Variants in DNAH5 observed in about 807,000 individuals in gnomAD.
The protein encoded by DNAH5 is axonemal beta dynein heavy chain 5.
A neutral mutation model predicts 518.2 loss-of-function variants in DNAH5; 372 were observed. The ratio of observed to expected loss-of-function variants is 0.72; its 90% CI spans 0.66 to 0.78. The LOEUF is 0.78. Ranked by LOEUF, DNAH5 falls within the 30% of genes least tolerant of loss-of-function variation. The pLI, the probability that DNAH5 is intolerant of heterozygous loss-of-function variation, is 0.00. For missense variants in DNAH5, 5,523 were observed against 5,687.0 expected, an observed-to-expected ratio of 0.97 and a Z score of 0.93; for synonymous variants, 2,039 against 2,025.9, an observed-to-expected ratio of 1.01 and a Z score of -0.17.
At chr5:13,834,252 A>G (rs1482378807) in intron 35 of DNAH5, among the ~76,000 whole-genome samples, 1 of 152,192 alleles carries the variant, frequency 6.6e-6, no homozygotes, top group Non-Finnish European at 1.5e-5. Flanking sequence ...AAAATACAAG[A>G]CAATGAACAC....
chr5:13,736,566 T>C (rs1189268390), intron 66 of DNAH5, among the ~76,000 whole-genome samples: 1 of 151,920 alleles, frequency 6.6e-6, no homozygotes, highest in Non-Finnish European at 1.5e-5. Context: ...GGCTAATTTT[T>C]TTTTCTCTTA....
chr5:13,995,560 T>C (rs1469686644), intron 1 of DNAH5, among the ~76,000 whole-genome samples: 1 of 152,034 alleles, frequency 6.6e-6, no homozygotes, highest in African/African-American at 2.4e-5. Flanking sequence ...AAACTGAATA[T>C]TTACTTAGAA....
At chr5:13,872,417 T>C (rs1770257406) in intron 22 of DNAH5, among the ~76,000 whole-genome samples, 4 of 152,170 alleles carry the variant, frequency 2.6e-5, no homozygotes, top group Admixed American at 2.6e-4. Flanking sequence ...TGTTTCCATA[T>C]CTTGTCATCT....
In DNAH5 at chr5:13,956,849, A is replaced by G. The variant is rs1325924050; in HGVS notation, c.13-25605T>C. Among the ~76,000 whole-genome samples the G allele has an allele frequency of 5.9e-5, 9 of 152,374 alleles. No homozygotes were observed. The East Asian group carries it at 1.5e-3, about 26-fold the overall frequency. ...ATTATTCATAAAAGTGAATTTCAGT[A>G]TACTGAGCATCAACTTACCATGGCT... On this transcript the variant is annotated intron_variant, in intron 1 of 78. Coordinates refer to the DNAH5 transcript ENST00000681290.
chr5:13,928,109 C>G lies in DNAH5; in HGVS notation c.262G>C (p.Glu88Gln). ...ATTCAGATACCTGTTTCTGCTTCCT[C>G]CACATCTTGATAGTAAAACATGAGG... ...RHLMFYYQDV[E>Q]EAETGQLGSL... The change falls in exon 3 of 79, where the codon GAG (glutamate) becomes CAG (glutamine). Residue 88 changes from glutamate to glutamine, a missense_variant. Glu to Gln is a conservative substitution (Grantham distance 29, BLOSUM62 2). Transcript: ENST00000265104. The G allele has an allele frequency of 6.2e-7, 1 of 1,613,636 alleles. No homozygotes were observed. The highest frequency in any genetic ancestry group is 8.5e-7 in the Non-Finnish European group (1 of 1,179,594).
intron 1 of DNAH5, among the ~76,000 whole-genome samples, chr5:13,977,609 T>C (rs1782355243): frequency 6.6e-6 from 1 of 152,058 alleles, no homozygotes; most frequent in African/African-American, 2.4e-5. Flanking sequence ...TCCTCCCCCT[T>C]TCTTGCCTCA....
rs185605880 is a variant in DNAH5, at chr5:13,770,865, A to G, written c.9489T>C (p.Tyr3163=). Residue 3163 remains tyrosine (Y), a synonymous_variant, in exon 56 of 79, where the codon TAT becomes TAC. Coordinates refer to ENST00000265104, the MANE Select transcript of DNAH5 (RefSeq NM_001369.3). ...QDGVAEKCVD[Y]FQRFRRSTHV... ...GGGTAGAACGTCGGAATCTCTGAAA[A>G]TAATCAACACACTTCTCAGCCACCC... 1 of 1,614,078 alleles carries G rather than the reference A, an allele frequency of 6.2e-7. No homozygotes were observed. Among genetic ancestry groups the G allele is most frequent in the East Asian group, 2.2e-5 (1 of 44,874 alleles).
intron 1 of DNAH5, among the ~76,000 whole-genome samples, chr5:14,011,518 C>T (rs1235284454): frequency 1.3e-5 from 2 of 152,190 alleles, no homozygotes; most frequent in Non-Finnish European, 2.9e-5. Context: ...CCCCGGACCA[C>T]AAGCCGAGCC....
Position 13,755,112 on chromosome 5 carries a change from G to A in DNAH5, c.10420-774C>T, listed in dbSNP as rs967606774. On this transcript the variant is annotated intron_variant, in intron 61 of 78. Coordinates refer to ENST00000265104, the MANE Select transcript of DNAH5 (RefSeq NM_001369.3). The stretch of plus-strand genomic sequence containing the variant: ...AGCCAAGATCGTGCCACTCAAATCC[G>A]CTCAAAAAAACACAAAAAGCAAAAA... 4.6e-5 allele frequency among the ~76,000 whole-genome samples: 7 copies of A among 151,922 alleles called. 1 individual carries two copies. Among genetic ancestry groups the A allele is most frequent in the Middle Eastern group, 6.8e-3 (2 of 294 alleles).
chr5:13,729,380 G>A, intron 69 of DNAH5, 59 bp downstream of exon 69: 1 of 1,607,314 alleles, frequency 6.2e-7, no homozygotes, highest in Non-Finnish European at 8.5e-7. Context: ...TGTACCTAGT[G>A]ATAAATCAGA....
At chr5:13,786,114 G>T in intron 52 of DNAH5, 65 bp downstream of exon 52, 1 of 1,481,864 alleles carries the variant, frequency 6.7e-7, no homozygotes, top group Non-Finnish European at 9.4e-7. Context: ...GAGAGGGAGA[G>T]GACCATGGTG....
At chr5:13,970,120 G>A (rs1203302271) in intron 1 of DNAH5, among the ~76,000 whole-genome samples, 5 of 151,986 alleles carry the variant, frequency 3.3e-5, no homozygotes, top group South Asian at 2.1e-4. Flanking sequence ...ATTCCTGCTC[G>A]CTTTTGGTGT....
chr5:13,739,419 T>C (rs898310625), intron 65 of DNAH5, among the ~76,000 whole-genome samples: 12 of 152,122 alleles, frequency 7.9e-5, no homozygotes, highest in African/African-American at 1.7e-4. Context: ...TCCCTGCTTC[T>C]CCTTTGCCTT....
intron 1 of DNAH5, among the ~76,000 whole-genome samples, chr5:13,984,523 T>C (rs373926865): frequency 4.0e-5 from 6 of 149,914 alleles, no homozygotes; most frequent in Admixed American, 6.7e-5. Context: ...CCTTTATTTC[T>C]TTCTCCTGCC....
intron 52 of DNAH5, among the ~76,000 whole-genome samples, chr5:13,782,476 T>G (rs1167982578): frequency 6.6e-6 from 1 of 152,126 alleles, no homozygotes; most frequent in Admixed American, 6.5e-5. Context: ...CTCTATGTGG[T>G]TCTCGCCAAA....
At chr5:13,844,510 G>T (rs1486808841) in intron 32 of DNAH5, among the ~76,000 whole-genome samples, 1 of 152,224 alleles carries the variant, frequency 6.6e-6, no homozygotes, top group Non-Finnish European at 1.5e-5. Context: ...ATTCCGTTTA[G>T]TTAAGACGCT....
rs1328912631 is a variant in DNAH5 at position 13,777,280 on chromosome 5, G to C, written c.9027C>G (p.Ile3009Met). 1 of 1,613,074 alleles carries C rather than the reference G, an allele frequency of 6.2e-7. No individual in the cohort carries two copies. Among genetic ancestry groups the C allele is most frequent in the African/African-American group, 1.3e-5 (1 of 74,868 alleles). The change falls in exon 54 of 79, where the codon ATC (isoleucine) becomes ATG (methionine). Residue 3009 changes from isoleucine (I) to methionine (M), a missense_variant. By Grantham distance (10) the Ile-to-Met change is conservative. This residue lies in a region of DNAH5 where 5,121 missense variants were observed against 5,223.3 expected (regional missense o/e 0.98). Transcript: ENST00000265104. ...YRTAGQQGKGITFIFTDNEIK... is the reference protein window; with the variant it reads ...YRTAGQQGKGMTFIFTDNEIK... ...TCTCATTGTCTGTGAAAATAAAAGT[G>C]ATTCCTTTGCCTTGCTGACCAGCTG...
At chr5:13,805,722 C>CTTA (rs549795279) in intron 47 of DNAH5, among the ~76,000 whole-genome samples, 127 of 152,306 alleles carry the variant, frequency 8.3e-4, no homozygotes, top group African/African-American at 2.9e-3. Flanking sequence ...TTGACTGACA[C>CTTA]TTACTTGTAT....
intron 68 of DNAH5, among the ~76,000 whole-genome samples, chr5:13,734,729 G>A (rs1747112011): frequency 6.6e-6 from 1 of 152,056 alleles, no homozygotes; most frequent in African/African-American, 2.4e-5. Context: ...ATATCCCATT[G>A]AATACCTCAC....
Sources: gnomAD v4.1 joint callset for allele counts (sites outside exome capture counted in the v4.1 genomes callset) on GRCh38, gnomAD v4.1.1 for gene constraint, gnomAD v4.1.1 regional missense constraint, MANE v1.5 for transcripts, NCBI Gene and HGNC (gene_info 2026-07-23, HGNC 2026-07-21) for gene names.